PSMA5: variants seen among roughly 807,000 people sequenced by gnomAD.
The protein encoded by PSMA5 is proteasome subunit alpha type-5.
PSMA5 carries 3 observed loss-of-function variants against 34.5 expected under a neutral mutation model. The ratio of observed to expected loss-of-function variants is 0.09; its 90% CI spans 0.04 to 0.22. The LOEUF (loss-of-function observed/expected upper bound fraction) is 0.22, where lower values mean the gene tolerates loss of function less well. Ranked by LOEUF, PSMA5 falls within the 10% of genes least tolerant of loss-of-function variation. PSMA5 has a pLI of 1.00. For missense variants in PSMA5, 120 were observed against 286.1 expected, an observed-to-expected ratio of 0.42 and a Z score of 4.19; for synonymous variants, 88 against 95.8, an observed-to-expected ratio of 0.92 and a Z score of 0.47.
At chr1:109,421,018 C>CAAA (rs60663577) in intron 2 of PSMA5, among the ~76,000 whole-genome samples, 4 of 87,714 alleles carry the variant, frequency 4.6e-5, no homozygotes, top group African/African-American at 8.5e-5. Context: ...ACATCTCTAC[C>CAAA]AAAAAAAAAA....
chr1:109,424,678 G>A (rs1183222432), intron 1 of PSMA5, among the ~76,000 whole-genome samples: 1 of 151,438 alleles, frequency 6.6e-6, no homozygotes, highest in African/African-American at 2.4e-5. Context: ...AGGACGCTGA[G>A]TCAGAGAATT....
Position 109,400,208 on chromosome 1 carries a change from T to G in PSMA5, c.*1805A>C, listed in dbSNP as rs1412160142. On this transcript the variant is annotated 3_prime_UTR_variant, in exon 9 of 9. Coordinates refer to ENST00000271308, the MANE Select transcript of PSMA5 (RefSeq NM_002790.4). ...ATAGGCTAAGAGCTACTCCTTAGTA[T>G]TTGGGCATTTTTCCCCCTATGAAAT... 2.0e-5 allele frequency: 3 copies of G among 152,152 alleles called. No individual in the cohort carries two copies. The highest frequency in any genetic ancestry group is 3.2e-3 in the Middle Eastern group (1 of 316). 9.4% of individuals were successfully genotyped at this position (152,152 alleles called of 1,614,324 possible). A position where few individuals can be genotyped will look rare whatever the true frequency, so the allele number is the denominator to read the frequency against.
chr1:109,417,280 A>T (rs1654246709), intron 2 of PSMA5, among the ~76,000 whole-genome samples: 1 of 152,242 alleles, frequency 6.6e-6, no homozygotes, highest in Non-Finnish European at 1.5e-5. Flanking sequence ...AAAACTTTGA[A>T]GCTAAAAAGA....
rs1483517275 is a variant in PSMA5, at chr1:109,411,021, A to G, written c.551T>C (p.Val184Ala). 1 of 1,610,986 alleles carries G rather than the reference A, an allele frequency of 6.2e-7. No individual in the cohort carries two copies. The highest frequency in any genetic ancestry group is 1.1e-5 in the South Asian group (1 of 90,778). The change falls in exon 7 of 9, where the codon GTT (valine) becomes GCT (alanine). Residue 184 changes from valine (V) to alanine (A), a missense_variant. Val to Ala is a moderately conservative substitution (Grantham distance 64). This residue lies in a region of PSMA5 where 83 missense variants were observed against 203.2 expected (regional missense o/e 0.41). Transcript: ENST00000271308. The stretch of plus-strand genomic sequence containing the variant: ...AGAATACTTAATTACCTTGTGGTAA[A>G]CTTCTTGCAAGGAGCTCTGGGCACC... ...SEGAQSSLQEVYHKSMTLKEA... is the reference protein window; with the variant it reads ...SEGAQSSLQEAYHKSMTLKEA...
In PSMA5 at chr1:109,400,181, A is replaced by G. The variant is rs1653448993; in HGVS notation, c.*1832T>C. On this transcript the variant is annotated 3_prime_UTR_variant, in exon 9 of 9. Coordinates refer to ENST00000271308, the MANE Select transcript of PSMA5 (RefSeq NM_002790.4). Reference sequence around the variant, plus strand: ...AAACAACTTAAGCTGAGGCGAACGGACATAGGCTAAGAGCTACTCCTTAGT... The same window carrying G: ...AAACAACTTAAGCTGAGGCGAACGGGCATAGGCTAAGAGCTACTCCTTAGT... 6.6e-6 allele frequency: 1 copy of G among 152,202 alleles called. No homozygotes were observed. The highest frequency in any genetic ancestry group is 1.5e-5 in the Non-Finnish European group (1 of 68,036). The allele number at this position is 152,202 out of a possible 1,614,324, so 9.4% of individuals were successfully genotyped here.
At chr1:109,413,233 G>C in intron 3 of PSMA5, 98 bp from the exon 4 acceptor site, 1 of 1,097,640 alleles carries the variant, frequency 9.1e-7, no homozygotes, top group East Asian at 2.4e-5. Context: ...AACCACGGCA[G>C]CCATTCAGCT....
intron 2 of PSMA5, 120 bp downstream of exon 2, chr1:109,421,740 T>C: frequency 1.3e-6 from 1 of 787,810 alleles, no homozygotes; most frequent in Non-Finnish European, 2.1e-6. Context: ...CAGTGGTTGC[T>C]TAAAGGGATA....
chr1:109,421,815 T>C (rs924522103), intron 2 of PSMA5, 45 bp downstream of exon 2: 3 of 1,448,682 alleles, frequency 2.1e-6, no homozygotes, highest in Non-Finnish European at 2.8e-6. Context: ...AGCAAAATGT[T>C]AGGTAGCCAT....
At chr1:109,405,795 C>T (rs1206077751) in intron 8 of PSMA5, among the ~76,000 whole-genome samples, 1 of 152,022 alleles carries the variant, frequency 6.6e-6, no homozygotes, top group Non-Finnish European at 1.5e-5. Flanking sequence ...AGAAAATCCA[C>T]TATAGTAGCA....
chr1:109,412,237 C>G, intron 4 of PSMA5, 53 bp from the exon 5 acceptor site: 1 of 1,417,202 alleles, frequency 7.1e-7, no homozygotes, highest in Non-Finnish European at 1.0e-6. Flanking sequence ...ATTAAAGCAG[C>G]CCACCATCTC....
intron 1 of PSMA5, chr1:109,425,253 CAT>C (rs1467341966): frequency 6.6e-5 from 10 of 152,290 alleles, no homozygotes; most frequent in Admixed American, 1.3e-4. Context: ...GCAGTCAATA[CAT>C]ATGTTAAGTA....
chr1:109,414,098 G>A (rs1238092072), intron 3 of PSMA5, among the ~76,000 whole-genome samples: 3 of 152,286 alleles, frequency 2.0e-5, no homozygotes, highest in Middle Eastern at 3.4e-3. Context: ...CTCTCTGACC[G>A]ACTCTGCTGC....
At chr1:109,403,413 C>T (rs1005595622) in intron 8 of PSMA5, among the ~76,000 whole-genome samples, 3 of 151,550 alleles carry the variant, frequency 2.0e-5, no homozygotes, top group African/African-American at 7.3e-5. Context: ...CACTTGAGCC[C>T]GAGAGTCAAA....
At chr1:109,419,951 T>A (rs1207524391) in intron 2 of PSMA5, among the ~76,000 whole-genome samples, 1 of 143,146 alleles carries the variant, frequency 7.0e-6, no homozygotes, top group Non-Finnish European at 1.5e-5. Flanking sequence ...CTAGCCTGGG[T>A]GACAGAGCAA....
rs1654462786 is a variant in PSMA5 at position 109,422,005 on chromosome 1, T to C, written c.30-79A>G. On this transcript the variant is annotated intron_variant, in intron 1 of 8. Transcript: ENST00000271308. ...CACTGAATTCAAGTTCCTTGACAAC[T>C]AGCTCAGATAGCTACAGAATACGCA... The C allele has an allele frequency of 5.1e-5, 40 of 779,072 alleles. 2 individuals are homozygous for C. In the South Asian group the frequency reaches 8.6e-4, roughly 17 times the overall value. 48.3% of individuals were successfully genotyped at this position (779,072 alleles called of 1,614,324 possible). A position where few individuals can be genotyped will look rare whatever the true frequency, so the allele number is the denominator to read the frequency against.
chr1:109,407,061 C>A (rs554187644), intron 8 of PSMA5, among the ~76,000 whole-genome samples: 1 of 152,274 alleles, frequency 6.6e-6, no homozygotes, highest in African/African-American at 2.4e-5. Context: ...GATCTCGGCT[C>A]ACTGCAAGCT....
intron 2 of PSMA5, among the ~76,000 whole-genome samples, chr1:109,418,817 G>A (rs1420974419): frequency 6.6e-6 from 1 of 152,180 alleles, no homozygotes; most frequent in Admixed American, 6.5e-5. Context: ...AAACAAGAAC[G>A]GGATGCTAAT....
rs1451593719 is a variant in PSMA5, at chr1:109,400,885, T to A, written c.*1128A>T. 1.3e-5 allele frequency: 2 copies of A among 152,336 alleles called. No homozygotes were observed. The highest frequency in any genetic ancestry group is 3.9e-4 in the East Asian group (2 of 5,190). 9.4% of individuals were successfully genotyped at this position (152,336 alleles called of 1,614,324 possible). On this transcript the variant is annotated 3_prime_UTR_variant, in exon 9 of 9. Coordinates refer to ENST00000271308, the MANE Select transcript of PSMA5 (RefSeq NM_002790.4). Reference sequence around the variant, plus strand: ...GCATCATCCACATATGGATTAGCCATGTTGTGGACAGTGCAAGTACTTTTC... The same window carrying A: ...GCATCATCCACATATGGATTAGCCAAGTTGTGGACAGTGCAAGTACTTTTC...
At chr1:109,410,385 ATG>A (rs748707938) in intron 7 of PSMA5, among the ~76,000 whole-genome samples, 31 of 152,198 alleles carry the variant, frequency 2.0e-4, no homozygotes, top group Non-Finnish European at 4.6e-4. Context: ...AGGTAGCCCA[ATG>A]GTTTAGAAAA....
Sources: allele counts gnomAD v4.1 joint callset (sites outside exome capture counted in the v4.1 genomes callset), GRCh38; gene constraint gnomAD v4.1.1; regional missense constraint gnomAD v4.1.1; transcripts MANE v1.5; gene names NCBI Gene and HGNC (gene_info 2026-07-23, HGNC 2026-07-21).